The following MAST2 variants were observed in gnomAD, a reference collection of about 807,000 sequenced individuals.
MAST2 encodes the protein microtubule-associated serine/threonine-protein kinase 2.
MAST2 carries 70 observed loss-of-function variants against 147.4 expected under a neutral mutation model. That is an observed-to-expected ratio of 0.47 (90% CI 0.39 to 0.58). The LOEUF is 0.58. MAST2 is among the 20% of genes least tolerant of loss of function. The pLI is 0.00. For missense variants in MAST2, 2,080 were observed against 2,302.3 expected, an observed-to-expected ratio of 0.90 and a Z score of 1.98; for synonymous variants, 869 against 896.8, an observed-to-expected ratio of 0.97 and a Z score of 0.55.
At chr1:45,832,994 C>G (rs1645003652) in intron 3 of MAST2, among the ~76,000 whole-genome samples, 1 of 152,156 alleles carries the variant, frequency 6.6e-6, no homozygotes, top group Non-Finnish European at 1.5e-5. Flanking sequence ...AATCTACTTT[C>G]CACCTCTATA....
At chr1:45,891,900 C>T (rs1466695474) in intron 4 of MAST2, among the ~76,000 whole-genome samples, 1 of 152,064 alleles carries the variant, frequency 6.6e-6, no homozygotes, top group East Asian at 1.9e-4. Flanking sequence ...CTAAGAAATA[C>T]CACATTTCAC....
At chr1:45,938,260 T>C (rs1656596067) in intron 4 of MAST2, among the ~76,000 whole-genome samples, 1 of 152,232 alleles carries the variant, frequency 6.6e-6, no homozygotes, top group African/African-American at 2.4e-5. Flanking sequence ...CATATCTTTG[T>C]GTGGACATAT....
intron 4 of MAST2, among the ~76,000 whole-genome samples, chr1:45,953,430 A>G (rs1659218437): frequency 1.3e-5 from 2 of 152,230 alleles, no homozygotes; most frequent in African/African-American, 4.8e-5. Context: ...TACTATTTCT[A>G]GGTGATTGGG....
intron 5 of MAST2, among the ~76,000 whole-genome samples, chr1:45,963,609 A>G (rs1287434011): frequency 2.0e-5 from 3 of 152,102 alleles, no homozygotes; most frequent in Non-Finnish European, 4.4e-5. Context: ...TTGCACATTG[A>G]TTTTGTTTCC....
chr1:45,831,468 A>G (rs1644953786), intron 3 of MAST2, among the ~76,000 whole-genome samples: 1 of 152,188 alleles, frequency 6.6e-6, no homozygotes, highest in Non-Finnish European at 1.5e-5. Flanking sequence ...TGTGATTCTC[A>G]GGCCACAGAG....
intron 3 of MAST2, among the ~76,000 whole-genome samples, chr1:45,835,251 C>T (rs1471269283): frequency 6.6e-6 from 1 of 152,078 alleles, no homozygotes; most frequent in Non-Finnish European, 1.5e-5. Context: ...TTTCGCATCA[C>T]ATTAACAAAG....
intron 1 of MAST2, among the ~76,000 whole-genome samples, chr1:45,813,197 AT>A (rs929437423): frequency 2.6e-5 from 4 of 152,272 alleles, no homozygotes; most frequent in African/African-American, 9.6e-5. Flanking sequence ...CAAGAAAAAA[AT>A]ATCTATACAT....
intron 2 of MAST2, among the ~76,000 whole-genome samples, chr1:45,828,584 G>T (rs1304286070): frequency 6.6e-6 from 1 of 152,204 alleles, no homozygotes; most frequent in Non-Finnish European, 1.5e-5. Flanking sequence ...AAAGTGTGAA[G>T]AATGGTGGGA....
chr1:45,949,854 G>C (rs1423305846), intron 4 of MAST2, among the ~76,000 whole-genome samples: 1 of 152,176 alleles, frequency 6.6e-6, no homozygotes, highest in Non-Finnish European at 1.5e-5. Context: ...TAAAGAAAAT[G>C]TGGTACATAT....
At chr1:45,812,610 G>C (rs1448555188) in intron 1 of MAST2, among the ~76,000 whole-genome samples, 1 of 151,966 alleles carries the variant, frequency 6.6e-6, no homozygotes, top group Non-Finnish European at 1.5e-5. Context: ...ATTTTTAGTA[G>C]AGACTAGGTT....
chr1:45,870,757 A>G (rs539780572), intron 3 of MAST2, among the ~76,000 whole-genome samples: 2 of 151,602 alleles, frequency 1.3e-5, no homozygotes, highest in East Asian at 3.9e-4. Flanking sequence ...TGTCTGTACA[A>G]ATTAAAAAAA....
At chr1:45,885,660 T>C (rs1400253558) in intron 4 of MAST2, among the ~76,000 whole-genome samples, 1 of 152,164 alleles carries the variant, frequency 6.6e-6, no homozygotes, top group Non-Finnish European at 1.5e-5. Context: ...GTAAAATCAG[T>C]TACTATATTT....
intron 4 of MAST2, among the ~76,000 whole-genome samples, chr1:45,916,334 A>G (rs1463178798): frequency 2.0e-5 from 3 of 152,254 alleles, no homozygotes; most frequent in Middle Eastern, 3.4e-3. Flanking sequence ...GTGTGTATAG[A>G]AAGCCATGCC....
intron 4 of MAST2, among the ~76,000 whole-genome samples, chr1:45,955,679 A>G (rs1373894917): frequency 3.9e-5 from 6 of 152,178 alleles, no homozygotes; most frequent in Admixed American, 3.3e-4. Flanking sequence ...GGAAATCCCA[A>G]TTGTAAAGGC....
intron 21 of MAST2, 117 bp from the exon 22 acceptor site, chr1:46,030,490 A>G (rs1646604316): frequency 2.4e-6 from 3 of 1,229,806 alleles, no homozygotes; most frequent in African/African-American, 3.1e-5. Context: ...GGGTGTGTGA[A>G]GGAGGGATGG....
At chr1:45,911,482 C>T (rs1016490612) in intron 4 of MAST2, among the ~76,000 whole-genome samples, 43 of 152,150 alleles carry the variant, frequency 2.8e-4, no homozygotes, top group African/African-American at 1.0e-3. Flanking sequence ...CCATTTGCTG[C>T]TGTTGTCAGA....
chr1:46,033,733 A>G, intron 26 of MAST2, 69 bp from the exon 27 acceptor site: 2 of 1,578,166 alleles, frequency 1.3e-6, no homozygotes, highest in Non-Finnish European at 8.6e-7. Flanking sequence ...CCAGAAGGGA[A>G]GGATTGGGGG....
intron 1 of MAST2, among the ~76,000 whole-genome samples, 169 bp from the exon 2 acceptor site, chr1:45,824,264 T>C (rs564700643): frequency 6.6e-6 from 1 of 152,330 alleles, no homozygotes. Flanking sequence ...CTTTACAGCA[T>C]ACCTAGCTTT....
At chr1:45,894,215 A>G (rs1303682608) in intron 4 of MAST2, among the ~76,000 whole-genome samples, 1 of 140,426 alleles carries the variant, frequency 7.1e-6, no homozygotes, top group Non-Finnish European at 1.5e-5. Context: ...CCCTGTCTCA[A>G]ATTAAAAAAA....
Sources: gnomAD v4.1 joint callset for allele counts (sites outside exome capture counted in the v4.1 genomes callset) on GRCh38, gnomAD v4.1.1 for gene constraint, MANE v1.5 for transcripts, NCBI Gene and HGNC (gene_info 2026-07-23, HGNC 2026-07-21) for gene names.